The following FGF5 variants were observed in gnomAD, a reference collection of about 807,000 sequenced individuals.
FGF5 encodes fibroblast growth factor 5, also known as heparin-binding growth factor 5.
In FGF5, 23 loss-of-function variants were observed where a neutral mutation model predicts 21.8. The ratio of observed to expected loss-of-function variants is 1.05; its 90% confidence interval spans 0.76 to 1.49. The LOEUF is 1.49. Among genes scored for constraint, FGF5 ranks in the 40% most tolerant of loss-of-function variants. The probability of loss-of-function intolerance (pLI) is 0.00; values close to 1 mark genes in which losing one functional copy is unlikely to be tolerated. For missense variants in FGF5, 352 were observed against 332.9 expected (o/e 1.06, Z -0.45); for synonymous variants, 158 against 124.0 (o/e 1.27, Z -1.82).
At chr4:80,267,278 G>C in intron 1 of FGF5, 99 bp downstream of exon 1, 1 of 997,650 alleles carries the variant, frequency 1.0e-6, no homozygotes, top group East Asian at 2.6e-5. Context: ...ACCTTCCTGA[G>C]CCCAGGCCAC....
chr4:80,278,705 C>T (rs570622611), intron 2 of FGF5, among the ~76,000 whole-genome samples: 1 of 152,210 alleles, frequency 6.6e-6, no homozygotes, highest in South Asian at 2.1e-4. Flanking sequence ...TGAGCTTCAG[C>T]CATCTAAATG....
rs181409212 is a variant in FGF5, at chr4:80,282,785, G to T, written c.460-3540G>T. ...TAGAAAAAGTCTGTTAATTTCAGGGGTTTTTTTTCTAGAAAAATAATGGAG... is the reference window on the plus strand; with the variant it reads ...TAGAAAAAGTCTGTTAATTTCAGGGTTTTTTTTTCTAGAAAAATAATGGAG... On this transcript the variant is annotated intron_variant, in intron 2 of 2. Transcript: ENST00000312465. 4.0e-3 allele frequency among the ~76,000 whole-genome samples: 608 copies of T among 151,292 alleles called. 3 individuals are homozygous for T. Among genetic ancestry groups the T allele is most frequent in the South Asian group, 0.01 (48 of 4,754 alleles).
At chr4:80,272,442 A>G (rs1008088735) in intron 1 of FGF5, among the ~76,000 whole-genome samples, 1 of 152,164 alleles carries the variant, frequency 6.6e-6, no homozygotes, top group African/African-American at 2.4e-5. Flanking sequence ...ATTGAAATAC[A>G]TGTTAAATGC....
At chr4:80,268,420 T>G (rs1720162909) in intron 1 of FGF5, 1 of 912,096 alleles carries the variant, frequency 1.1e-6, no homozygotes, top group Non-Finnish European at 1.3e-6. Flanking sequence ...TGCTCCTAGA[T>G]GTTCCTAACT....
At chr4:80,281,891 A>T (rs1720563551) in intron 2 of FGF5, among the ~76,000 whole-genome samples, 1 of 152,198 alleles carries the variant, frequency 6.6e-6, no homozygotes, top group African/African-American at 2.4e-5. Flanking sequence ...CGTTCAAAAA[A>T]TATCTGTTGT....
rs1183995891 is a variant in FGF5, at chr4:80,289,554, G to A, written c.*2882G>A. On this transcript the variant is annotated 3_prime_UTR_variant, in exon 3 of 3. Coordinates refer to ENST00000312465, the MANE Select transcript of FGF5 (RefSeq NM_004464.4). ...TTAGGAGTCTATTTTGTCTATAGGT[G>A]ACAAACATCTCCAGACTAACATGTC... The A allele has an allele frequency of 6.6e-6, 1 of 151,942 alleles. No homozygotes were observed. Among genetic ancestry groups the A allele is most frequent in the East Asian group, 1.9e-4 (1 of 5,190 alleles). 9.4% of individuals were successfully genotyped at this position (151,942 alleles called of 1,614,324 possible).
In FGF5 at chr4:80,287,095, GT is replaced by G. The variant is rs1720757002; in HGVS notation, c.*427del. The G allele has an allele frequency of 6.5e-6, 1 of 154,792 alleles. No individual in the cohort carries two copies. Among genetic ancestry groups the G allele is most frequent in the African/African-American group, 2.4e-5 (1 of 41,052 alleles). The allele number at this position is 154,792 out of a possible 1,614,324, so 9.6% of individuals were successfully genotyped here. ...TGTTAACTTTTGTTTTTTTTTGTTT[GT>G]TTTCTTAAAAGTACCTCTGCATTGA... is the stretch of plus-strand genomic sequence containing the variant. On this transcript the variant is annotated 3_prime_UTR_variant, in exon 3 of 3. Coordinates refer to ENST00000312465, the MANE Select transcript of FGF5 (RefSeq NM_004464.4).
rs1720776957 is a variant in FGF5 at position 80,287,716 on chromosome 4, G to C, written c.*1044G>C. Reference sequence around the variant, plus strand: ...TAGATCCACAGGGAGCAAACACTTAGAAATGATAGAGAACTGAAGGAGATC... The same window carrying C: ...TAGATCCACAGGGAGCAAACACTTACAAATGATAGAGAACTGAAGGAGATC... On this transcript the variant is annotated 3_prime_UTR_variant, in exon 3 of 3. Transcript: ENST00000312465. 6.6e-6 allele frequency: 1 copy of C among 152,098 alleles called. No homozygotes were observed. The highest frequency in any genetic ancestry group is 2.1e-4 in the South Asian group (1 of 4,826). 9.4% of individuals were successfully genotyped at this position (152,098 alleles called of 1,614,324 possible).
intron 2 of FGF5, among the ~76,000 whole-genome samples, chr4:80,282,847 CTT>C (rs1175254534): frequency 1.3e-5 from 2 of 151,604 alleles, no homozygotes; most frequent in East Asian, 1.9e-4. Flanking sequence ...TATTAGAAGA[CTT>C]ATAATTTAAA....
chr4:80,282,753 TTAAC>T (rs763037513), intron 2 of FGF5, among the ~76,000 whole-genome samples: 14 of 152,228 alleles, frequency 9.2e-5, no homozygotes, highest in Non-Finnish European at 1.8e-4. Flanking sequence ...TTCATACTCT[TTAAC>T]TATAGAAAAA....
chr4:80,286,262 T>G, intron 2 of FGF5, 63 bp from the exon 3 acceptor site: 1 of 1,129,426 alleles, frequency 8.9e-7, no homozygotes, highest in South Asian at 1.7e-5. Context: ...CAATACCTTA[T>G]GTTTTATTAC....
chr4:80,290,500 G>A lies in FGF5; in HGVS notation c.*3828G>A, dbSNP rs1720870541. Reference sequence around the variant, plus strand: ...AAGATGCTGATCCAACCTGAGTGGAGTCAGGTGAGGCATCTTTACATCTAA... The same window carrying A: ...AAGATGCTGATCCAACCTGAGTGGAATCAGGTGAGGCATCTTTACATCTAA... On this transcript the variant is annotated 3_prime_UTR_variant, in exon 3 of 3. Transcript: ENST00000312465. 3 of 152,104 alleles carry A rather than the reference G, an allele frequency of 2.0e-5. No homozygotes were observed. The allele number at this position is 152,104 out of a possible 1,614,324, so 9.4% of individuals were successfully genotyped here.
intron 2 of FGF5, among the ~76,000 whole-genome samples, chr4:80,279,448 C>T (rs1244983233): frequency 1.3e-5 from 2 of 152,066 alleles, no homozygotes; most frequent in African/African-American, 4.8e-5. Context: ...CAACTGTGAC[C>T]CTTAAATTAT....
Position 80,287,264 on chromosome 4 carries a change from T to C in FGF5, c.*592T>C, listed in dbSNP as rs953540511. 2.0e-5 allele frequency: 3 copies of C among 152,308 alleles called. No individual in the cohort carries two copies. The South Asian group carries it at 6.2e-4, about 32-fold the overall frequency. The allele number at this position is 152,308 out of a possible 1,614,324, so 9.4% of individuals were successfully genotyped here. On this transcript the variant is annotated 3_prime_UTR_variant, in exon 3 of 3. Transcript: ENST00000312465. ...TCCTATTCACTGCACTTTTTTATTG[T>C]TTTTATTTCTAGCCATACCTCAGAT...
rs1391421531 is a variant in FGF5, at chr4:80,267,077, G to A, written c.253G>A (p.Gly85Arg). ...GAGCAGTTTCCAGTGGAGCCCCTCGGGGCGCCGGACCGGCAGCCTCTACTG... is the reference window on the plus strand; with the variant it reads ...GAGCAGTTTCCAGTGGAGCCCCTCGAGGCGCCGGACCGGCAGCCTCTACTG... ...EQSSFQWSPS[G>R]RRTGSLYCRV... Residue 85 changes from glycine to arginine, a missense_variant, in exon 1 of 3, where the codon GGG becomes AGG. By Grantham distance (125) the Gly-to-Arg change is moderately radical (BLOSUM62 -2). Coordinates refer to ENST00000312465, the MANE Select transcript of FGF5 (RefSeq NM_004464.4). The A allele has an allele frequency of 1.9e-6, 3 of 1,614,108 alleles. No individual in the cohort carries two copies. Among genetic ancestry groups the A allele is most frequent in the Non-Finnish European group, 1.7e-6 (2 of 1,180,056 alleles).
intron 2 of FGF5, among the ~76,000 whole-genome samples, chr4:80,281,881 C>T (rs186085766): frequency 1.2e-3 from 180 of 152,094 alleles, no homozygotes; most frequent in Middle Eastern, 6.8e-3. Context: ...TCAATTTGAC[C>T]GTTCAAAAAA....
rs113810353 is a variant in FGF5 at position 80,283,515 on chromosome 4, C to T, written c.460-2810C>T. Among the ~76,000 whole-genome samples, 426 of 152,120 alleles carry T rather than the reference C, an allele frequency of 2.8e-3. 7 individuals are homozygous for T. The highest frequency in any genetic ancestry group is 9.9e-3 in the African/African-American group (412 of 41,510). On this transcript the variant is annotated intron_variant, in intron 2 of 2. Coordinates refer to ENST00000312465, the MANE Select transcript of FGF5 (RefSeq NM_004464.4). ...GATTCCTGTTTTAAAAAAAGAAATG[C>T]TGTGGTGTGTGTCTGCACATGCACC... is the stretch of plus-strand genomic sequence containing the variant.
chr4:80,273,098 A>G (rs1720315512), intron 1 of FGF5, among the ~76,000 whole-genome samples: 1 of 151,926 alleles, frequency 6.6e-6, no homozygotes, highest in Non-Finnish European at 1.5e-5. Flanking sequence ...ACACTCAAAC[A>G]ATGTTCATAA....
chr4:80,278,637 A>G (rs772230859), intron 2 of FGF5, among the ~76,000 whole-genome samples: 2 of 152,212 alleles, frequency 1.3e-5, no homozygotes, highest in African/African-American at 4.8e-5. Flanking sequence ...TTCAGGCAGC[A>G]TTGATGCTGA....
Sources: gnomAD v4.1 joint callset for allele counts (sites outside exome capture counted in the v4.1 genomes callset) on GRCh38, gnomAD v4.1.1 for gene constraint, MANE v1.5 for transcripts, NCBI Gene and HGNC (gene_info 2026-07-23, HGNC 2026-07-21) for gene names.